WIPF3: variants seen among roughly 807,000 people sequenced by gnomAD.
WIPF3 encodes WAS/WASL interacting protein family member 3.
In WIPF3, 33 loss-of-function variants were observed where a neutral mutation model predicts 38.9. The observed-to-expected ratio is 0.85, with a 90% CI of 0.64 to 1.14. The LOEUF (loss-of-function observed/expected upper bound fraction) is 1.14. Among genes scored for constraint, WIPF3 ranks in the 50% most tolerant of loss-of-function variants. WIPF3 has a pLI of 0.00. For missense variants in WIPF3, 711 were observed against 652.5 expected, an observed-to-expected ratio of 1.09 and a Z score of -0.98; for synonymous variants, 324 against 269.3, an observed-to-expected ratio of 1.20 and a Z score of -1.99.
chr7:29,811,168 G>A (rs916690188), intron 1 of WIPF3, among the ~76,000 whole-genome samples: 1 of 152,066 alleles, frequency 6.6e-6, no homozygotes, highest in African/African-American at 2.4e-5. Flanking sequence ...TGGGATTACA[G>A]ACATGATCTG....
chr7:29,904,287 C>T lies in WIPF3; in HGVS notation c.1353C>T (p.Ser451=). 6.2e-7 allele frequency: 1 copy of T among 1,613,714 alleles called. No individual in the cohort carries two copies. Among genetic ancestry groups the T allele is most frequent in the Non-Finnish European group, 8.5e-7 (1 of 1,179,762 alleles). The change falls in exon 8 of 9, where the codon AGC becomes AGT. Residue 451 remains serine, a splice_region_variant and synonymous_variant. Transcript: ENST00000242140. ...TGAGATTGTTCTTTTTTCCTTCAGG[C>T]CGTACACCTGGTCCCTGGCTCCAAG... The part of the protein sequence containing the change: ...QKIYPSKIPR[S]RTPGPWLQAE...
chr7:29,831,569 T>C (rs1001708476), intron 1 of WIPF3, among the ~76,000 whole-genome samples: 2 of 152,262 alleles, frequency 1.3e-5, no homozygotes, highest in African/African-American at 4.8e-5. Flanking sequence ...GTATTTTATT[T>C]AGTTCCTATA....
chr7:29,904,415 G>C (rs1663735594), intron 8 of WIPF3, 53 bp downstream of exon 8: 1 of 1,551,454 alleles, frequency 6.4e-7, no homozygotes, highest in African/African-American at 1.4e-5. Context: ...TCCTCAGGAG[G>C]CACAGAAATG....
chr7:29,879,367 A>T (rs139835923), intron 4 of WIPF3, among the ~76,000 whole-genome samples: 1 of 152,240 alleles, frequency 6.6e-6, no homozygotes, highest in Non-Finnish European at 1.5e-5. Flanking sequence ...CCATTGTAAT[A>T]GCTTAAAAAT....
Position 29,875,906 on chromosome 7 carries a change from G to A in WIPF3, c.167G>A (p.Gly56Glu), listed in dbSNP as rs771897351. ...RSALLADIQQ[G>E]TRLRKVTQIN... ...GCGCTGTTGGCTGATATCCAGCAAG[G>A]AACTCGCCTGCGCAAAGTCACGCAG... Residue 56 changes from glycine to glutamate, a missense_variant, in exon 3 of 9, where the codon GGA (glycine) becomes GAA (glutamate). By Grantham distance (98) the Gly-to-Glu change is moderately conservative. Coordinates refer to ENST00000242140, the MANE Select transcript of WIPF3 (RefSeq NM_001080529.3). The A allele has an allele frequency of 8.9e-5, 143 of 1,614,094 alleles. No individual in the cohort carries two copies. The highest frequency in any genetic ancestry group is 1.2e-4 in the Non-Finnish European group (141 of 1,179,916).
chr7:29,897,611 G>A (rs546685982), intron 7 of WIPF3, among the ~76,000 whole-genome samples: 50 of 152,208 alleles, frequency 3.3e-4, no homozygotes, highest in East Asian at 2.5e-3. Context: ...AACACGCACC[G>A]TTATTTCCAT....
chr7:29,817,801 T>A (rs1198835301), intron 1 of WIPF3, among the ~76,000 whole-genome samples: 1 of 152,206 alleles, frequency 6.6e-6, no homozygotes, highest in Non-Finnish European at 1.5e-5. Context: ...ATGTAAACTT[T>A]GAAATCACCT....
At position 29,879,022 on chromosome 7, in the gene WIPF3, C is replaced by G; in HGVS notation, c.237C>G (p.Thr79=). Residue 79 remains threonine (T), a synonymous_variant, in exon 4 of 9, where the codon ACC becomes ACG. Coordinates refer to ENST00000242140, the MANE Select transcript of WIPF3 (RefSeq NM_001080529.3). ...SAPQIESSKG[T]NKEGGGSANT... ...TTCTCTCTAAAGGTTCTAAAGGAAC[C>G]AACAAAGAAGGAGGAGGTTCTGCAA... The G allele has an allele frequency of 6.3e-7, 1 of 1,599,390 alleles. No homozygotes were observed. Among genetic ancestry groups the G allele is most frequent in the African/African-American group, 1.3e-5 (1 of 74,834 alleles).
chr7:29,874,083 G>A (rs1464555854), intron 2 of WIPF3, among the ~76,000 whole-genome samples: 2 of 152,008 alleles, frequency 1.3e-5, no homozygotes, highest in South Asian at 4.2e-4. Flanking sequence ...TCCTCTCTGG[G>A]GAACCAGCAT....
intron 2 of WIPF3, among the ~76,000 whole-genome samples, chr7:29,860,855 T>G (rs1785262260): frequency 6.6e-6 from 1 of 151,972 alleles, no homozygotes; most frequent in Non-Finnish European, 1.5e-5. Flanking sequence ...CTGGTTAACT[T>G]GAAAGATATT....
intron 4 of WIPF3, among the ~76,000 whole-genome samples, chr7:29,882,567 A>G (rs1785742499): frequency 6.6e-6 from 1 of 152,072 alleles, no homozygotes; most frequent in Admixed American, 6.5e-5. Flanking sequence ...CACCTGAGTC[A>G]CCTCTGCTAG....
Position 29,814,528 on chromosome 7 carries a change from C to T in WIPF3, c.-58+7850C>T, listed in dbSNP as rs555988550. On this transcript the variant is annotated intron_variant, in intron 1 of 8. Coordinates refer to ENST00000242140, the MANE Select transcript of WIPF3 (RefSeq NM_001080529.3). ...ACTGTGCAGAGACTGATGTGCTTGT[C>T]GAAGGCTGGGGGAGTTGTGGAAAGC... Among the ~76,000 whole-genome samples the T allele has an allele frequency of 4.6e-5, 7 of 152,272 alleles. No homozygotes were observed. The South Asian group carries it at 1.0e-3, about 23-fold the overall frequency.
intron 2 of WIPF3, among the ~76,000 whole-genome samples, chr7:29,871,763 A>AT (rs371194861): frequency 6.6e-5 from 10 of 151,952 alleles, no homozygotes; most frequent in African/African-American, 2.4e-4. Flanking sequence ...GCCCCTCCGT[A>AT]TTTTTTTTAT....
intron 2 of WIPF3, among the ~76,000 whole-genome samples, chr7:29,852,935 A>G (rs1315755854): frequency 1.3e-5 from 2 of 152,238 alleles, no homozygotes; most frequent in South Asian, 4.1e-4. Flanking sequence ...GTGACAAATT[A>G]AAAAACATCT....
In WIPF3 at chr7:29,879,025, C is replaced by G; in HGVS notation, c.240C>G (p.Asn80Lys). 1 of 1,600,034 alleles carries G rather than the reference C, an allele frequency of 6.2e-7. No homozygotes were observed. The highest frequency in any genetic ancestry group is 8.5e-7 in the Non-Finnish European group (1 of 1,172,322). ...APQIESSKGT[N>K]KEGGGSANTR... The stretch of plus-strand genomic sequence containing the variant: ...TCTCTAAAGGTTCTAAAGGAACCAA[C>G]AAAGAAGGAGGAGGTTCTGCAAACA... Residue 80 changes from asparagine to lysine, a missense_variant, in exon 4 of 9, where the codon AAC becomes AAG. Physicochemically the swap from Asn to Lys is moderately conservative, Grantham distance 94. Transcript: ENST00000242140.
chr7:29,853,469 T>C (rs569544486), intron 2 of WIPF3, among the ~76,000 whole-genome samples: 76 of 152,316 alleles, frequency 5.0e-4, no homozygotes, highest in African/African-American at 1.2e-3. Context: ...CTCCATCCCC[T>C]GCCCTCTGTC....
intron 1 of WIPF3, among the ~76,000 whole-genome samples, chr7:29,811,510 C>T (rs1784377689): frequency 6.6e-6 from 1 of 152,050 alleles, no homozygotes; most frequent in African/African-American, 2.4e-5. Context: ...AAAAATTTGC[C>T]AGAGCTTCCC....
At chr7:29,889,177 A>G (rs1481977780) in intron 6 of WIPF3, 129 bp from the exon 7 acceptor site, 1 of 704,584 alleles carries the variant, frequency 1.4e-6, no homozygotes, top group Non-Finnish European at 2.5e-6. Context: ...TGTTGTTAAA[A>G]TCCTTGCACT....
At chr7:29,913,277 G>A (rs1420386564) in intron 8 of WIPF3, among the ~76,000 whole-genome samples, 1 of 150,456 alleles carries the variant, frequency 6.6e-6, no homozygotes, top group African/African-American at 2.5e-5. Flanking sequence ...ACCCGTGGAC[G>A]GAGGTTGCGG....
Sources: gnomAD v4.1 joint callset for allele counts (sites outside exome capture counted in the v4.1 genomes callset) on GRCh38, gnomAD v4.1.1 for gene constraint, MANE v1.5 for transcripts, NCBI Gene and HGNC (gene_info 2026-07-23, HGNC 2026-07-21) for gene names.